AUTS2: variants seen among roughly 807,000 people sequenced by gnomAD.
AUTS2 encodes the protein autism susceptibility gene 2 protein.
A neutral mutation model predicts 112.4 loss-of-function variants in AUTS2; 17 were observed. The observed-to-expected ratio is 0.15, with a 90% CI of 0.10 to 0.23. AUTS2 has a LOEUF of 0.23. Among genes scored for constraint, AUTS2 ranks in the 10% least tolerant of loss-of-function variants. AUTS2 has a pLI of 1.00. For missense variants in AUTS2, 1,510 were observed against 1,701.6 expected, an observed-to-expected ratio of 0.89 and a Z score of 1.98; for synonymous variants, 751 against 702.7, an observed-to-expected ratio of 1.07 and a Z score of -1.09.
intron 1 of AUTS2, among the ~76,000 whole-genome samples, chr7:69,883,966 C>T (rs1028208527): frequency 1.3e-5 from 2 of 152,200 alleles, no homozygotes; most frequent in Non-Finnish European, 2.9e-5. Flanking sequence ...CCTGTGGTGA[C>T]ATCAATAAAT....
intron 1 of AUTS2, among the ~76,000 whole-genome samples, chr7:69,735,040 A>G (rs1383826458): frequency 6.6e-6 from 1 of 152,200 alleles, no homozygotes; most frequent in East Asian, 1.9e-4. Context: ...AGACAACTCT[A>G]TTGCATCCTC....
At chr7:70,091,622 C>T (rs1198850709) in intron 2 of AUTS2, among the ~76,000 whole-genome samples, 2 of 152,126 alleles carry the variant, frequency 1.3e-5, no homozygotes, top group African/African-American at 4.8e-5. Context: ...GGTACTAAAC[C>T]ACTCTGCTGT....
chr7:70,058,527 C>G (rs1802095868), intron 2 of AUTS2, among the ~76,000 whole-genome samples: 1 of 151,818 alleles, frequency 6.6e-6, no homozygotes, highest in Non-Finnish European at 1.5e-5. Context: ...AAAATTCTTA[C>G]AATCTCTTTA....
At chr7:70,752,966 A>AC (rs1312032485) in intron 6 of AUTS2, among the ~76,000 whole-genome samples, 6 of 151,828 alleles carry the variant, frequency 4.0e-5, no homozygotes, top group Non-Finnish European at 5.9e-5. Flanking sequence ...TGGTTGATAC[A>AC]CCCCCCTTGA....
At chr7:69,928,920 C>A (rs973065148) in intron 2 of AUTS2, among the ~76,000 whole-genome samples, 4 of 152,186 alleles carry the variant, frequency 2.6e-5, no homozygotes, top group African/African-American at 7.2e-5. Context: ...AGTGGCCAAT[C>A]CAGACGGGCC....
chr7:69,931,112 TACACACACACACACAC>T (rs58190258), intron 2 of AUTS2, among the ~76,000 whole-genome samples: 15 of 148,886 alleles, frequency 1.0e-4, no homozygotes, highest in African/African-American at 2.2e-4. Flanking sequence ...ATTTTGGATT[TACACACACACACACAC>T]ACACACACAC....
intron 5 of AUTS2, among the ~76,000 whole-genome samples, chr7:70,513,368 A>C (rs1401784055): frequency 6.6e-6 from 1 of 152,230 alleles, no homozygotes; most frequent in Non-Finnish European, 1.5e-5. Context: ...CACAGCCTCC[A>C]TAAGTGGTAC....
intron 4 of AUTS2, among the ~76,000 whole-genome samples, chr7:70,150,958 A>G (rs1299804208): frequency 6.6e-6 from 1 of 152,216 alleles, no homozygotes; most frequent in East Asian, 1.9e-4. Flanking sequence ...CAGTAAGGAC[A>G]GTGATCCCTG....
At position 69,600,053 on chromosome 7, in the gene AUTS2, G is replaced by GCTGGCTGT. The variant is rs1554331875; in HGVS notation, c.309+94_309+95insGCTGTCTG. 3.2e-6 allele frequency: 4 copies of GCTGGCTGT among 1,259,502 alleles called. No individual in the cohort carries two copies. The African/African-American group carries it at 4.7e-5, about 15-fold the overall frequency. 78.0% of individuals were successfully genotyped at this position (1,259,502 alleles called of 1,614,324 possible). A position where few individuals can be genotyped will look rare whatever the true frequency, so the allele number is the denominator to read the frequency against. ...TCCTGCCTCCCTCGCCGCGCTCCGG[G>GCTGGCTGT]CTGTCTGTCTGTCTGTCTGTCTGTC... On this transcript the variant is annotated intron_variant, in intron 1 of 18. Coordinates refer to ENST00000342771, the MANE Select transcript of AUTS2 (RefSeq NM_015570.4).
chr7:69,712,991 A>G (rs1396933395), intron 1 of AUTS2, among the ~76,000 whole-genome samples: 1 of 152,156 alleles, frequency 6.6e-6, no homozygotes, highest in South Asian at 2.1e-4. Context: ...GCATCTTTTC[A>G]TGCTTTTGCT....
intron 5 of AUTS2, among the ~76,000 whole-genome samples, chr7:70,530,531 G>C (rs1800040257): frequency 6.6e-6 from 1 of 152,148 alleles, no homozygotes; most frequent in East Asian, 1.9e-4. Flanking sequence ...TTTTCTGTCT[G>C]TGTAGAATTA....
At chr7:70,609,054 G>A (rs187612799) in intron 5 of AUTS2, among the ~76,000 whole-genome samples, 56 of 152,162 alleles carry the variant, frequency 3.7e-4, no homozygotes, top group Non-Finnish European at 6.3e-4. Flanking sequence ...ATTAACATAC[G>A]TATGACCTTA....
chr7:70,302,274 A>C (rs961210274), intron 4 of AUTS2, among the ~76,000 whole-genome samples: 1 of 152,046 alleles, frequency 6.6e-6, no homozygotes, highest in African/African-American at 2.4e-5. Context: ...AAAAGTGGGC[A>C]TGGTGGTGCA....
chr7:70,546,155 A>T (rs571789978), intron 5 of AUTS2, among the ~76,000 whole-genome samples: 2 of 152,338 alleles, frequency 1.3e-5, no homozygotes, highest in Non-Finnish European at 2.9e-5. Flanking sequence ...AGTTAACTTA[A>T]AATTTTAGCT....
chr7:70,740,950 C>T (rs1041589934), intron 6 of AUTS2, among the ~76,000 whole-genome samples: 2 of 151,678 alleles, frequency 1.3e-5, no homozygotes, highest in South Asian at 2.1e-4. Flanking sequence ...AAAAATTAGC[C>T]GGGCATGGTG....
chr7:69,973,285 T>G (rs1292572893), intron 2 of AUTS2, among the ~76,000 whole-genome samples: 1 of 152,238 alleles, frequency 6.6e-6, no homozygotes, highest in Non-Finnish European at 1.5e-5. Context: ...TTTTGTATCC[T>G]GTAACCTTGA....
At chr7:69,869,044 G>C (rs1462703592) in intron 1 of AUTS2, among the ~76,000 whole-genome samples, 1 of 152,148 alleles carries the variant, frequency 6.6e-6, no homozygotes, top group African/African-American at 2.4e-5. Flanking sequence ...TGAATGAAGG[G>C]GATCAGCCAC....
chr7:69,804,604 C>A (rs1790221393), intron 1 of AUTS2, among the ~76,000 whole-genome samples: 1 of 152,208 alleles, frequency 6.6e-6, no homozygotes. Context: ...CTTTATCATT[C>A]TCCTGATCTA....
At chr7:69,619,134 T>A (rs1375909162) in intron 1 of AUTS2, among the ~76,000 whole-genome samples, 1 of 152,152 alleles carries the variant, frequency 6.6e-6, no homozygotes, top group East Asian at 1.9e-4. Flanking sequence ...TCTTAAAGCA[T>A]TTTTTAATGT....
Sources: allele counts gnomAD v4.1 joint callset (sites outside exome capture counted in the v4.1 genomes callset), GRCh38; gene constraint gnomAD v4.1.1; transcripts MANE v1.5; gene names NCBI Gene and HGNC (gene_info 2026-07-23, HGNC 2026-07-21).